Variants in ZNF528 observed in about 807,000 individuals in gnomAD.
ZNF528 encodes zinc finger protein 528.
In ZNF528, 9 loss-of-function variants were observed where a neutral mutation model predicts 13.3. The observed-to-expected ratio is 0.67, with a 90% CI of 0.41 to 1.18. ZNF528 has a LOEUF of 1.18. Ranked by LOEUF, ZNF528 falls within the 50% of genes most tolerant of loss-of-function variation. ZNF528 has a pLI of 0.01. For missense variants in ZNF528, 858 were observed against 745.4 expected (o/e 1.15, Z -1.76); for synonymous variants, 264 against 254.3 (o/e 1.04, Z -0.36).
chr19:52,406,419 T>C, intron 5 of ZNF528, 96 bp from the exon 6 acceptor site: 1 of 1,497,834 alleles, frequency 6.7e-7, no homozygotes, highest in African/African-American at 1.4e-5. Context: ...GAAATACTAT[T>C]TATGATTTAA....
At position 52,401,830 on chromosome 19, in the gene ZNF528, T is replaced by A; in HGVS notation, c.-68+77T>A. 11 of 1,525,692 alleles carry A rather than the reference T, an allele frequency of 7.2e-6. No homozygotes were observed. The South Asian group carries it at 1.3e-4, about 19-fold the overall frequency. The allele number at this position is 1,525,692 out of a possible 1,614,324, so 94.5% of individuals were successfully genotyped here. On this transcript the variant is annotated intron_variant, in intron 3 of 6. Transcript: ENST00000360465. ...TCAGTTAGGATAAATCAGACCTATG[T>A]AGAAAGTCAAAGTTTGAGGATTACC...
rs182623733 is a variant in ZNF528 at position 52,416,869 on chromosome 19, A to C, written c.*130A>C. On this transcript the variant is annotated 3_prime_UTR_variant, in exon 7 of 7. Transcript: ENST00000360465. ...ACACAGGCTTTATCAAGGCCTGCCA[A>C]ATCACTGGACATCACCACATCACTG... The C allele has an allele frequency of 2.2e-6, 2 of 899,232 alleles. No individual in the cohort carries two copies. The highest frequency in any genetic ancestry group is 1.7e-5 in the African/African-American group (1 of 59,578). The allele number at this position is 899,232 out of a possible 1,614,324, so 55.7% of individuals were successfully genotyped here.
At chr19:52,412,117 A>G (rs2058938351) in intron 6 of ZNF528, 1 of 152,224 alleles carries the variant, frequency 6.6e-6, no homozygotes, top group Non-Finnish European at 1.5e-5. Context: ...ATTAGAGGCT[A>G]TGGATTGGGA....
At chr19:52,414,040 A>G (rs1378436262) in intron 6 of ZNF528, 7 of 580,052 alleles carry the variant, frequency 1.2e-5, no homozygotes, top group African/African-American at 3.7e-5. Flanking sequence ...GTTTTTTTCA[A>G]CAGACAAGTT....
intron 1 of ZNF528, 109 bp from the exon 2 acceptor site, chr19:52,398,258 G>A (rs914605402): frequency 6.6e-6 from 1 of 152,370 alleles, no homozygotes; most frequent in African/African-American, 2.4e-5. Context: ...CGCCCCAACA[G>A]GGCACGAGAG....
intron 6 of ZNF528, chr19:52,414,479 G>T (rs1401160200): frequency 5.1e-6 from 3 of 585,436 alleles, no homozygotes; most frequent in South Asian, 2.1e-5. Flanking sequence ...GGGGGAGGGG[G>T]TGGTTATTGG....
Position 52,415,898 on chromosome 19 carries a change from G to A in ZNF528, c.1046G>A (p.Gly349Asp), listed in dbSNP as rs1745339201. The change falls in exon 7 of 7, where the codon GGT (glycine) becomes GAT (aspartate). Residue 349 changes from glycine (G) to aspartate (D), a missense_variant. By Grantham distance (94) the Gly-to-Asp change is moderately conservative. Coordinates refer to ENST00000360465, the MANE Select transcript of ZNF528 (RefSeq NM_032423.3). ...GCAGAACATCAAACGGTTCATACTG[G>A]TGAGAAACCTTACAAATGTGAAGAA... ...YLAEHQTVHT[G>D]EKPYKCEECG... is the part of the protein sequence containing the mutation. 1.2e-6 allele frequency: 2 copies of A among 1,614,022 alleles called. No homozygotes were observed. Among genetic ancestry groups the A allele is most frequent in the Non-Finnish European group, 1.7e-6 (2 of 1,180,024 alleles).
rs561641826 is a variant in ZNF528 at position 52,410,074 on chromosome 19, A to C, written c.271+3431A>C. 5.3e-5 allele frequency among the ~76,000 whole-genome samples: 8 copies of C among 152,274 alleles called. No homozygotes were observed. In the South Asian group the frequency reaches 1.2e-3, roughly 24 times the overall value. Reference sequence around the variant, plus strand: ...CCCCTTGGTTTCCCAAAGTGCTGGGATTACAGGCATGAGCCACTGCACTGG... The same window carrying C: ...CCCCTTGGTTTCCCAAAGTGCTGGGCTTACAGGCATGAGCCACTGCACTGG... On this transcript the variant is annotated intron_variant, in intron 6 of 6. Coordinates refer to ENST00000360465, the MANE Select transcript of ZNF528 (RefSeq NM_032423.3).
At chr19:52,410,618 T>C (rs1341765062) in intron 6 of ZNF528, among the ~76,000 whole-genome samples, 1 of 152,172 alleles carries the variant, frequency 6.6e-6, no homozygotes, top group East Asian at 1.9e-4. Context: ...ACATCTCCCC[T>C]TTGTGTTTAT....
In ZNF528 at chr19:52,415,776, A is replaced by G. The variant is rs768988610; in HGVS notation, c.924A>G (p.Gln308=). 1 of 1,613,968 alleles carries G rather than the reference A, an allele frequency of 6.2e-7. No homozygotes were observed. Among genetic ancestry groups the G allele is most frequent in the South Asian group, 1.1e-5 (1 of 91,068 alleles). ...KCHECDKVFN[Q]IAHLVRHQKI... ...ATGAATGTGACAAGGTCTTCAATCAAATTGCACACCTTGTACGACATCAAA... is the reference window on the plus strand; with the variant it reads ...ATGAATGTGACAAGGTCTTCAATCAGATTGCACACCTTGTACGACATCAAA... Residue 308 remains glutamine (Q), a synonymous_variant, in exon 7 of 7, where the codon CAA becomes CAG. Transcript: ENST00000360465.
intron 4 of ZNF528, 139 bp from the exon 5 acceptor site, chr19:52,405,768 C>A: frequency 8.9e-7 from 1 of 1,118,656 alleles, no homozygotes; most frequent in Non-Finnish European, 1.3e-6. Context: ...AGACACGTAA[C>A]TGGCTCAAGA....
In ZNF528 at chr19:52,414,368, G is replaced by C. The variant is rs538432105; in HGVS notation, c.272-756G>C. 79 of 701,604 alleles carry C rather than the reference G, an allele frequency of 1.1e-4. 1 individual carries two copies. The South Asian group carries it at 1.1e-3, about 10-fold the overall frequency. The allele number at this position is 701,604 out of a possible 1,614,324, so 43.5% of individuals were successfully genotyped here. ...GGCGAACATTGGAATAAAAGACAAA[G>C]GTGTATATTTGGAAGAAGGGGTCAG... is the stretch of plus-strand genomic sequence containing the variant. On this transcript the variant is annotated intron_variant, in intron 6 of 6. Coordinates refer to ENST00000360465, the MANE Select transcript of ZNF528 (RefSeq NM_032423.3).
intron 3 of ZNF528, 47 bp from the exon 4 acceptor site, chr19:52,401,900 G>A: frequency 6.3e-7 from 1 of 1,587,840 alleles, no homozygotes. Context: ...GCACAGGAAG[G>A]AGGTATGTTG....
chr19:52,407,574 G>A (rs934247901), intron 6 of ZNF528, among the ~76,000 whole-genome samples: 3 of 151,740 alleles, frequency 2.0e-5, no homozygotes, highest in Non-Finnish European at 4.4e-5. Context: ...CCAGGAGTCC[G>A]AGACCAGCCT....
rs1270405464 is a variant in ZNF528, at chr19:52,416,800, G to A, written c.*61G>A. The A allele has an allele frequency of 6.7e-7, 1 of 1,482,784 alleles. No individual in the cohort carries two copies. Among genetic ancestry groups the A allele is most frequent in the East Asian group, 2.3e-5 (1 of 43,588 alleles). 91.9% of individuals were successfully genotyped at this position (1,482,784 alleles called of 1,614,324 possible). A position where few individuals can be genotyped will look rare whatever the true frequency, so the allele number is the denominator to read the frequency against. On this transcript the variant is annotated 3_prime_UTR_variant, in exon 7 of 7. Transcript: ENST00000360465. ...TGAGTTCTAGCATTAATCAACATCA[G>A]TGAGTCCATACTAAGTGGAAATCAT...
At chr19:52,412,505 A>G (rs539436949) in intron 6 of ZNF528, 1 of 152,296 alleles carries the variant, frequency 6.6e-6, no homozygotes, top group Admixed American at 6.5e-5. Context: ...GAGGGAATCA[A>G]TGTTTCTCTT....
chr19:52,416,381 G>A lies in ZNF528; in HGVS notation c.1529G>A (p.Cys510Tyr), dbSNP rs562649795. ...KVFSRSSNLV[C>Y]HQKIHTGEKP... Reference sequence around the variant, plus strand: ...TTCAGTCGCAGTTCAAACCTGGTATGCCATCAGAAAATTCATACAGGAGAA... The same window carrying A: ...TTCAGTCGCAGTTCAAACCTGGTATACCATCAGAAAATTCATACAGGAGAA... The change falls in exon 7 of 7, where the codon TGC becomes TAC. Residue 510 changes from cysteine (C) to tyrosine (Y), a missense_variant. By Grantham distance (194) the Cys-to-Tyr change is radical. Transcript: ENST00000360465. 1.9e-5 allele frequency: 31 copies of A among 1,613,922 alleles called. No homozygotes were observed. The South Asian group carries it at 3.0e-4, about 15-fold the overall frequency.
chr19:52,402,158 C>A (rs2058802053), intron 4 of ZNF528, 130 bp downstream of exon 4: 1 of 1,303,072 alleles, frequency 7.7e-7, no homozygotes, highest in South Asian at 1.3e-5. Flanking sequence ...ATGGCTTCTT[C>A]CAGTCCCTTC....
intron 5 of ZNF528, 47 bp from the exon 6 acceptor site, chr19:52,406,468 A>G (rs1392727830): frequency 6.3e-7 from 1 of 1,596,694 alleles, no homozygotes. Flanking sequence ...CAGGGCTTGG[A>G]CTTGGGAGAT....
Sources: allele counts gnomAD v4.1 joint callset (sites outside exome capture counted in the v4.1 genomes callset), GRCh38; gene constraint gnomAD v4.1.1; transcripts MANE v1.5; gene names NCBI Gene and HGNC (gene_info 2026-07-23, HGNC 2026-07-21).